CDC14A: variants seen among roughly 807,000 people sequenced by gnomAD.
The protein encoded by CDC14A is cell division cycle 14A, also known as dual specificity protein phosphatase CDC14A.
A neutral mutation model predicts 74.4 loss-of-function variants in CDC14A; 53 were observed. The ratio of observed to expected loss-of-function variants is 0.71; its 90% confidence interval spans 0.57 to 0.89. CDC14A has a LOEUF of 0.89. CDC14A is among the 40% of genes least tolerant of loss of function. CDC14A has a pLI of 0.00. For missense variants in CDC14A, 646 were observed against 713.7 expected, an observed-to-expected ratio of 0.91 and a Z score of 1.08; for synonymous variants, 247 against 258.4, an observed-to-expected ratio of 0.96 and a Z score of 0.43.
intron 4 of CDC14A, among the ~76,000 whole-genome samples, chr1:100,414,277 G>A (rs1052584653): frequency 1.3e-5 from 2 of 149,970 alleles, no homozygotes; most frequent in Non-Finnish European, 2.9e-5. Flanking sequence ...ACCAGCGTGG[G>A]CAACATAGTA....
intron 10 of CDC14A, among the ~76,000 whole-genome samples, chr1:100,474,607 G>A (rs969729110): frequency 4.3e-5 from 1 of 23,444 alleles, no homozygotes; most frequent in African/African-American, 6.6e-5. Flanking sequence ...TTTGTGGAGT[G>A]TGTTTTTTTT....
intron 5 of CDC14A, among the ~76,000 whole-genome samples, chr1:100,426,300 A>G (rs1228975255): frequency 1.3e-5 from 2 of 151,984 alleles, no homozygotes; most frequent in Non-Finnish European, 2.9e-5. Context: ...TTTAGTAGAG[A>G]TGGACTTTTG....
intron 5 of CDC14A, among the ~76,000 whole-genome samples, chr1:100,425,160 C>T (rs575258361): frequency 1.9e-4 from 29 of 152,102 alleles, no homozygotes; most frequent in East Asian, 5.8e-4. Context: ...AGAGTGATAC[C>T]GTTTCTCAAA....
intron 4 of CDC14A, chr1:100,393,008 C>T: frequency 3.1e-6 from 4 of 1,308,824 alleles, no homozygotes; most frequent in Non-Finnish European, 4.3e-6. Context: ...GAGAGCCCAA[C>T]TTTTCTACCC....
Position 100,487,274 on chromosome 1 carries a change from T to G in CDC14A, c.1137+2823T>G, listed in dbSNP as rs189904804. On this transcript the variant is annotated intron_variant, in intron 11 of 15. Transcript: ENST00000336454. ...ATTTGGAGAATTCGAATAGAGTTTT[T>G]TAGGCCGGGCATGGTGGCTTACGCC... 1.2e-4 allele frequency among the ~76,000 whole-genome samples: 19 copies of G among 152,316 alleles called. No homozygotes were observed. In the East Asian group the frequency reaches 3.5e-3, roughly 28 times the overall value.
Position 100,462,759 on chromosome 1 carries a change from A to G in CDC14A, c.716A>G (p.Asp239Gly). The change falls in exon 9 of 16, where the codon GAC (aspartate) becomes GGC (glycine). Residue 239 changes from aspartate to glycine, a missense_variant. Asp to Gly is a moderately conservative substitution (Grantham distance 94). Transcript: ENST00000336454. ...ATTTATGAGGCAAAGCGCTTCACAG[A>G]CGCTGGCTTCGAGCACTATGACCTC... ...KKIYEAKRFT[D>G]AGFEHYDLFF... is the part of the protein sequence containing the mutation. 1 of 1,614,136 alleles carries G rather than the reference A, an allele frequency of 6.2e-7. No homozygotes were observed. The highest frequency in any genetic ancestry group is 8.5e-7 in the Non-Finnish European group (1 of 1,179,984).
chr1:100,378,373 G>C (rs1655603669), intron 3 of CDC14A, among the ~76,000 whole-genome samples: 1 of 152,028 alleles, frequency 6.6e-6, no homozygotes, highest in Non-Finnish European at 1.5e-5. Context: ...ATTTCAGTTT[G>C]AAAGACAAAA....
chr1:100,359,025 G>A (rs892138956), intron 2 of CDC14A, among the ~76,000 whole-genome samples: 4 of 152,166 alleles, frequency 2.6e-5, no homozygotes, highest in African/African-American at 9.7e-5. Context: ...TGATCTGATA[G>A]AGCCTTACGG....
At chr1:100,402,698 T>C (rs1185464026) in intron 4 of CDC14A, among the ~76,000 whole-genome samples, 1 of 152,164 alleles carries the variant, frequency 6.6e-6, no homozygotes, top group Non-Finnish European at 1.5e-5. Flanking sequence ...CAAACCCAGC[T>C]AATGGAGAAG....
chr1:100,353,887 A>G, intron 2 of CDC14A, 35 bp downstream of exon 2: 4 of 1,266,728 alleles, frequency 3.2e-6, no homozygotes, highest in Non-Finnish European at 3.4e-6. Flanking sequence ...TCTCTTGGCC[A>G]TTCAGCTTGT....
chr1:100,507,252 A>G (rs1649319482), intron 15 of CDC14A, among the ~76,000 whole-genome samples: 1 of 152,232 alleles, frequency 6.6e-6, no homozygotes, highest in African/African-American at 2.4e-5. Context: ...CACTTAAAAT[A>G]CCAGTTTCCT....
chr1:100,492,192 T>C (rs1036895271), intron 11 of CDC14A, among the ~76,000 whole-genome samples: 4 of 152,238 alleles, frequency 2.6e-5, no homozygotes, highest in African/African-American at 9.6e-5. Flanking sequence ...ATTTAAAATG[T>C]ACTGTTATTT....
At chr1:100,457,434 A>G (rs1666817761) in intron 8 of CDC14A, among the ~76,000 whole-genome samples, 1 of 151,978 alleles carries the variant, frequency 6.6e-6, no homozygotes, top group Admixed American at 6.6e-5. Flanking sequence ...TGACTGTGCC[A>G]TATTGTGTTA....
intron 10 of CDC14A, among the ~76,000 whole-genome samples, chr1:100,468,506 A>G (rs1668068771): frequency 6.6e-6 from 1 of 152,244 alleles, no homozygotes; most frequent in South Asian, 2.1e-4. Context: ...CTCTCCTGAC[A>G]ACTAACTAAC....
rs201775727 is a variant in CDC14A at position 100,367,548 on chromosome 1, CTA to C, written c.141-9994_141-9993del. On this transcript the variant is annotated intron_variant, in intron 2 of 15. Transcript: ENST00000336454. ...AAGCTAGAAAACTATATGTATAAGACTATATTATTTTAAATACATAAATAGTC... is the reference window on the plus strand; with the variant it reads ...AAGCTAGAAAACTATATGTATAAGACTATTATTTTAAATACATAAATAGTC... Among the ~76,000 whole-genome samples the C allele has an allele frequency of 7.9e-3, 1,199 of 152,160 alleles. 17 individuals carry two copies. The highest frequency in any genetic ancestry group is 0.028 in the African/African-American group (1,148 of 41,510).
At chr1:100,374,283 T>C (rs1654917093) in intron 2 of CDC14A, among the ~76,000 whole-genome samples, 1 of 152,180 alleles carries the variant, frequency 6.6e-6, no homozygotes, top group Non-Finnish European at 1.5e-5. Context: ...CATGTGTCTT[T>C]ATAGCAGCAT....
At chr1:100,383,922 C>T (rs1268702587) in intron 3 of CDC14A, among the ~76,000 whole-genome samples, 1 of 151,258 alleles carries the variant, frequency 6.6e-6, no homozygotes, top group Admixed American at 6.6e-5. Flanking sequence ...TGGCTTTGAG[C>T]CTAATTGCAT....
At chr1:100,352,424 G>C, upstream of CDC14A, 1 of 991,654 alleles carries the variant, frequency 1.0e-6, no homozygotes, top group Non-Finnish European at 1.2e-6. Flanking sequence ...GGGAGGGCGG[G>C]GAGGAAGGTC....
intron 11 of CDC14A, among the ~76,000 whole-genome samples, chr1:100,493,371 G>A (rs1000804985): frequency 3.3e-5 from 5 of 152,182 alleles, no homozygotes; most frequent in African/African-American, 1.2e-4. Context: ...ATCCCAGCAC[G>A]TTGAGTGCTT....
Sources: gnomAD v4.1 joint callset for allele counts (sites outside exome capture counted in the v4.1 genomes callset) on GRCh38, gnomAD v4.1.1 for gene constraint, MANE v1.5 for transcripts, NCBI Gene and HGNC (gene_info 2026-07-23, HGNC 2026-07-21) for gene names.